The following LDLRAD4 variants were observed in gnomAD, a reference collection of about 807,000 sequenced individuals.
The protein encoded by LDLRAD4 is low density lipoprotein receptor class A domain containing 4.
In LDLRAD4, 5 loss-of-function variants were observed where a neutral mutation model predicts 17.0. That is an observed-to-expected ratio of 0.29 (90% CI 0.15 to 0.62). The LOEUF (loss-of-function observed/expected upper bound fraction) is 0.62, where lower values mean the gene tolerates loss of function less well. Among genes scored for constraint, LDLRAD4 ranks in the 20% least tolerant of loss-of-function variants. The pLI is 0.84. For synonymous variants in LDLRAD4, 168 were observed against 171.8 expected (o/e 0.98, Z 0.17); for missense variants, 340 against 424.7 (o/e 0.80, Z 1.75).
chr18:13,233,084 C>T (rs956823232), intron 1 of LDLRAD4, among the ~76,000 whole-genome samples: 2 of 152,238 alleles, frequency 1.3e-5, no homozygotes, highest in African/African-American at 4.8e-5. Context: ...ATCTGCTTGT[C>T]GCCACACACA....
intron 1 of LDLRAD4, among the ~76,000 whole-genome samples, chr18:13,340,778 A>G (rs1349069426): frequency 6.6e-6 from 1 of 152,016 alleles, no homozygotes; most frequent in Non-Finnish European, 1.5e-5. Flanking sequence ...CTGTGCTTTC[A>G]GTGTCATATC....
chr18:13,293,796 C>T (rs1371140726), intron 1 of LDLRAD4, among the ~76,000 whole-genome samples: 1 of 152,204 alleles, frequency 6.6e-6, no homozygotes, highest in Non-Finnish European at 1.5e-5. Context: ...CCACTGATCA[C>T]CCCTTTGAAG....
chr18:13,517,477 T>C (rs958249922), intron 3 of LDLRAD4, among the ~76,000 whole-genome samples: 5 of 152,210 alleles, frequency 3.3e-5, no homozygotes, highest in Admixed American at 3.3e-4. Context: ...TTATGAAGTC[T>C]GCTGGTGAGG....
intron 2 of LDLRAD4, among the ~76,000 whole-genome samples, chr18:13,425,777 C>T (rs1426643092): frequency 6.6e-6 from 1 of 152,196 alleles, no homozygotes; most frequent in Non-Finnish European, 1.5e-5. Flanking sequence ...GAGGCTCTGA[C>T]ACCATCCTGC....
chr18:13,218,235 G>A (rs1184396414), upstream of LDLRAD4: 1 of 152,392 alleles, frequency 6.6e-6, no homozygotes, highest in Non-Finnish European at 1.5e-5. Flanking sequence ...GCCGTCGGCT[G>A]GGGCCGGAGG....
At chr18:13,247,950 CG>C (rs199788687) in intron 1 of LDLRAD4, among the ~76,000 whole-genome samples, 463 of 31,960 alleles carry the variant, frequency 0.014, 3 homozygotes, top group Admixed American at 0.032. Context: ...CACACAGCGC[CG>C]CCCCCCGCCT....
At chr18:13,274,967 T>C (rs1357141182), upstream of LDLRAD4, among the ~76,000 whole-genome samples, 1 of 151,852 alleles carries the variant, frequency 6.6e-6, no homozygotes, top group Non-Finnish European at 1.5e-5. Context: ...AGTTTGAGGC[T>C]GCAGTGAGCT....
intron 3 of LDLRAD4, among the ~76,000 whole-genome samples, chr18:13,448,213 C>T (rs185608869): frequency 3.9e-5 from 6 of 152,244 alleles, no homozygotes; most frequent in East Asian, 1.9e-4. Context: ...AGGATGTTGT[C>T]GTGTGTGCTT....
chr18:13,364,832 C>T (rs779596299), intron 1 of LDLRAD4, among the ~76,000 whole-genome samples: 1 of 152,154 alleles, frequency 6.6e-6, no homozygotes, highest in African/African-American at 2.4e-5. Context: ...AAGCAGCCAG[C>T]CTAAGCAGGC....
intron 3 of LDLRAD4, among the ~76,000 whole-genome samples, chr18:13,548,156 G>T (rs1328779920): frequency 6.6e-6 from 1 of 152,154 alleles, no homozygotes; most frequent in East Asian, 1.9e-4. Flanking sequence ...CTTGTCATCT[G>T]CCTGAGTCTG....
At chr18:13,319,585 G>T (rs1213323414) in intron 1 of LDLRAD4, among the ~76,000 whole-genome samples, 1 of 152,180 alleles carries the variant, frequency 6.6e-6, no homozygotes, top group Non-Finnish European at 1.5e-5. Context: ...TCATTTTTGT[G>T]TGTGCGTGTT....
intron 1 of LDLRAD4, among the ~76,000 whole-genome samples, chr18:13,304,694 G>A (rs1473352706): frequency 6.6e-6 from 1 of 152,180 alleles, no homozygotes; most frequent in African/African-American, 2.4e-5. Context: ...TTGGGCAATG[G>A]GCCCCATTTG....
At chr18:13,444,205 A>G (rs1600314974) in intron 3 of LDLRAD4, among the ~76,000 whole-genome samples, 1 of 152,154 alleles carries the variant, frequency 6.6e-6, no homozygotes, top group African/African-American at 2.4e-5. Context: ...ATGAATTGAA[A>G]TATGTTTGAT....
intron 3 of LDLRAD4, among the ~76,000 whole-genome samples, chr18:13,531,515 A>G (rs2094126638): frequency 6.7e-6 from 1 of 149,088 alleles, no homozygotes; most frequent in Non-Finnish European, 1.5e-5. Context: ...ACTTTAGGCC[A>G]GGAGTTCAAG....
At chr18:13,532,620 C>T (rs949148861) in intron 3 of LDLRAD4, among the ~76,000 whole-genome samples, 1 of 152,230 alleles carries the variant, frequency 6.6e-6, no homozygotes, top group African/African-American at 2.4e-5. Context: ...CCTCAGTAAC[C>T]AGTCTCGTCT....
intron 3 of LDLRAD4, among the ~76,000 whole-genome samples, chr18:13,560,550 G>A (rs2094529798): frequency 6.6e-6 from 1 of 152,222 alleles, no homozygotes; most frequent in Non-Finnish European, 1.5e-5. Context: ...GGCTCTGAGT[G>A]ACTGACTTAA....
chr18:13,579,356 A>C (rs1389949279), intron 3 of LDLRAD4, among the ~76,000 whole-genome samples: 1 of 152,172 alleles, frequency 6.6e-6, no homozygotes, highest in Non-Finnish European at 1.5e-5. Flanking sequence ...TCAGTCTCTG[A>C]TTTTTATATG....
intron 3 of LDLRAD4, among the ~76,000 whole-genome samples, chr18:13,445,135 C>T (rs2091298899): frequency 6.6e-6 from 1 of 152,154 alleles, no homozygotes; most frequent in Non-Finnish European, 1.5e-5. Context: ...GACCTTTGGC[C>T]TCTAAATATC....
intron 3 of LDLRAD4, among the ~76,000 whole-genome samples, chr18:13,459,017 A>T (rs1452070785): frequency 1.3e-5 from 2 of 152,176 alleles, no homozygotes; most frequent in African/African-American, 4.8e-5. Flanking sequence ...GTAAAGTAAC[A>T]AATTTGTGTT....
Sources: gnomAD v4.1 joint callset for allele counts (sites outside exome capture counted in the v4.1 genomes callset) on GRCh38, gnomAD v4.1.1 for gene constraint, MANE v1.5 for transcripts, NCBI Gene and HGNC (gene_info 2026-07-23, HGNC 2026-07-21) for gene names.